VRTN: variants seen among roughly 807,000 people sequenced by gnomAD.
VRTN encodes the protein vertnin.
A neutral mutation model predicts 18.2 loss-of-function variants in VRTN; 5 were observed. That is an observed-to-expected ratio of 0.27 (90% confidence interval 0.14 to 0.58). The LOEUF (loss-of-function observed/expected upper bound fraction) is 0.58, where lower values mean the gene tolerates loss of function less well. Among genes scored for constraint, VRTN ranks in the 20% least tolerant of loss-of-function variants. The probability of loss-of-function intolerance (pLI) is 0.91; values close to 1 mark genes in which losing one functional copy is unlikely to be tolerated. For synonymous variants in VRTN, 381 were observed against 393.7 expected (o/e 0.97, Z 0.38); for missense variants, 741 against 939.4 (o/e 0.79, Z 2.76).
chr14:74,303,808 T>TC (rs2085205888), intron 1 of VRTN, among the ~76,000 whole-genome samples: 1 of 151,394 alleles, frequency 6.6e-6, no homozygotes, highest in Non-Finnish European at 1.5e-5. Context: ...AAAGTTGCAG[T>TC]CTAGCTGGGT....
intron 1 of VRTN, among the ~76,000 whole-genome samples, chr14:74,331,035 T>TA (rs1157377163): frequency 8.0e-5 from 12 of 149,594 alleles, no homozygotes; most frequent in African/African-American, 3.0e-4. Context: ...CCGTCTCTAC[T>TA]AAAAAAAATA....
intron 1 of VRTN, among the ~76,000 whole-genome samples, chr14:74,323,300 C>T (rs1045194241): frequency 1.3e-5 from 2 of 151,546 alleles, no homozygotes; most frequent in African/African-American, 4.8e-5. Context: ...AGTGCAGGTT[C>T]TGGCTGGGGG....
chr14:74,304,537 C>T (rs955578977), intron 1 of VRTN, among the ~76,000 whole-genome samples: 1 of 152,190 alleles, frequency 6.6e-6, no homozygotes, highest in Non-Finnish European at 1.5e-5. Flanking sequence ...GTTTTGGGGC[C>T]TGATCATTCT....
chr14:74,309,657 A>G (rs1204872578), intron 1 of VRTN, among the ~76,000 whole-genome samples: 1 of 152,100 alleles, frequency 6.6e-6, no homozygotes, highest in East Asian at 1.9e-4. Context: ...TGATCATACC[A>G]CTGCACTCCA....
chr14:74,330,599 G>A (rs1331059727), intron 1 of VRTN, among the ~76,000 whole-genome samples: 8 of 151,886 alleles, frequency 5.3e-5, no homozygotes, highest in East Asian at 2.0e-4. Flanking sequence ...GTGCCACCAC[G>A]CCCGGCTAAT....
rs370827143 is a variant in VRTN at position 74,358,960 on chromosome 14, C to T, written c.*68C>T. The stretch of plus-strand genomic sequence containing the variant: ...GGAGAGGGTCAGGGACCTGAGCTGA[C>T]CCCAGGCTTGGCCAGGATGTCCTTT... On this transcript the variant is annotated 3_prime_UTR_variant, in exon 2 of 2. Transcript: ENST00000256362. This position sits in a 1 kb window ranked among gnomAD's most constrained non-coding sequence, Gnocchi z 5.4. 79 of 1,518,890 alleles carry T rather than the reference C, an allele frequency of 5.2e-5. No individual in the cohort carries two copies. The African/African-American group carries it at 7.9e-4, about 15-fold the overall frequency. The allele number at this position is 1,518,890 out of a possible 1,614,324, so 94.1% of individuals were successfully genotyped here. A position where few individuals can be genotyped will look rare whatever the true frequency, so the allele number is the denominator to read the frequency against.
intron 1 of VRTN, chr14:74,306,170 ATATTTTT>A (rs1280918513): frequency 1.5e-4 from 10 of 64,768 alleles, no homozygotes; most frequent in South Asian, 4.6e-4. Flanking sequence ...ATATATATAT[ATATTTTT>A]TTTTTTTTTT....
chr14:74,324,400 A>T (rs1355829072), intron 1 of VRTN, among the ~76,000 whole-genome samples: 1 of 151,266 alleles, frequency 6.6e-6, no homozygotes, highest in Non-Finnish European at 1.5e-5. Context: ...AAAAAAAAAA[A>T]AAAAAAAAGA....
intron 1 of VRTN, among the ~76,000 whole-genome samples, chr14:74,329,405 C>T (rs1007568711): frequency 4.6e-5 from 7 of 150,842 alleles, no homozygotes; most frequent in East Asian, 4.0e-4. Flanking sequence ...CGTGCCACCA[C>T]GAATAGCTAG....
chr14:74,333,806 C>G (rs1447611936), intron 1 of VRTN, among the ~76,000 whole-genome samples: 2 of 148,990 alleles, frequency 1.3e-5, no homozygotes, highest in Non-Finnish European at 3.0e-5. Context: ...CGCCATTGCA[C>G]TCCAGCCTGG....
chr14:74,313,038 C>G (rs2085398730), intron 1 of VRTN, among the ~76,000 whole-genome samples: 1 of 152,198 alleles, frequency 6.6e-6, no homozygotes, highest in East Asian at 1.9e-4. Flanking sequence ...CTGCGCCTGG[C>G]CTGTGTTTTG....
At chr14:74,343,985 C>T (rs959793385), upstream of VRTN, among the ~76,000 whole-genome samples, 6 of 150,324 alleles carry the variant, frequency 4.0e-5, no homozygotes, top group Non-Finnish European at 4.4e-5. Flanking sequence ...TTTGTAGATG[C>T]GGGGGTTTCA....
upstream of VRTN, among the ~76,000 whole-genome samples, chr14:74,344,743 A>AAAAAAAAAAAAAAG (rs1425106645): frequency 1.4e-4 from 21 of 146,512 alleles, no homozygotes; most frequent in African/African-American, 5.7e-4. Context: ...TAAAAAAAAA[A>AAAAAAAAAAAAAAG]AAAATGAAAA....
At chr14:74,329,232 GC>G (rs1325604060) in intron 1 of VRTN, among the ~76,000 whole-genome samples, 7 of 150,890 alleles carry the variant, frequency 4.6e-5, no homozygotes, top group Non-Finnish European at 7.4e-5. Flanking sequence ...CCAAGATCAT[GC>G]CACTGCACTC....
At chr14:74,306,116 T>G (rs1239191999) in intron 1 of VRTN, 2 of 145,184 alleles carry the variant, frequency 1.4e-5, no homozygotes, top group African/African-American at 5.0e-5. Flanking sequence ...TAAAAATATA[T>G]ATGTAAAATA....
rs192275542 is a variant in VRTN, at chr14:74,315,015, A to T, written c.-164+11839A>T. On this transcript the variant is annotated intron_variant, in intron 1 of 2. Transcript: ENST00000557177. The stretch of plus-strand genomic sequence containing the variant: ...TAGGTTTTATGGCTGGCTTTGAAGA[A>T]GAAGGGTTCTAGTTTCTATGGCCTG... Among the ~76,000 whole-genome samples the T allele has an allele frequency of 7.6e-4, 115 of 152,310 alleles. 1 individual carries two copies. The highest frequency in any genetic ancestry group is 2.7e-3 in the African/African-American group (111 of 41,574).
chr14:74,336,729 T>G (rs1301176749), intron 1 of VRTN, among the ~76,000 whole-genome samples: 1 of 150,664 alleles, frequency 6.6e-6, no homozygotes, highest in Non-Finnish European at 1.5e-5. Context: ...GTTGAGATCG[T>G]GCCATTGCAC....
rs143673317 is a variant in VRTN at position 74,328,900 on chromosome 14, T to C, written c.-163-8823T>C. ...CTGTAATCCCAGCACTTTGGGAGGC[T>C]GAAGTGGGCGGATCACCTGAGGTCA... is the stretch of plus-strand genomic sequence containing the variant. On this transcript the variant is annotated intron_variant, in intron 1 of 2. Transcript: ENST00000557177. 3.8e-3 allele frequency among the ~76,000 whole-genome samples: 572 copies of C among 151,274 alleles called. 3 individuals carry two copies. Among genetic ancestry groups the C allele is most frequent in the African/African-American group, 0.013 (542 of 41,184 alleles).
intron 1 of VRTN, among the ~76,000 whole-genome samples, chr14:74,326,767 C>T (rs1233031239): frequency 6.7e-6 from 1 of 148,288 alleles, no homozygotes; most frequent in African/African-American, 2.5e-5. Flanking sequence ...TCTTTTACAG[C>T]CTTCCCACCC....
Sources: gnomAD v4.1 joint callset for allele counts (sites outside exome capture counted in the v4.1 genomes callset) on GRCh38, gnomAD v4.1.1 for gene constraint, Gnocchi (gnomAD v3.1) non-coding constraint, MANE v1.5 for transcripts, NCBI Gene and HGNC (gene_info 2026-07-23, HGNC 2026-07-21) for gene names.